The following MCPH1 variants were observed in gnomAD, a reference collection of about 807,000 sequenced individuals.
The protein encoded by MCPH1 is microcephalin.
MCPH1 carries 104 observed loss-of-function variants against 84.5 expected under a neutral mutation model. The ratio of observed to expected loss-of-function variants is 1.23; its 90% CI spans 1.05 to 1.45. The LOEUF (loss-of-function observed/expected upper bound fraction) is 1.45, where lower values mean the gene tolerates loss of function less well. Ranked by LOEUF, MCPH1 falls within the 40% of genes most tolerant of loss-of-function variation. MCPH1 has a pLI of 0.00. For synonymous variants in MCPH1, 514 were observed against 366.8 expected, an observed-to-expected ratio of 1.40 and a Z score of -4.58; for missense variants, 1,498 against 1,005.7, an observed-to-expected ratio of 1.49 and a Z score of -6.62.
chr8:6,508,557 A>G (rs1486076647), intron 12 of MCPH1: 1 of 376,636 alleles, frequency 2.7e-6, no homozygotes, highest in African/African-American at 2.1e-5. Flanking sequence ...TATAATCTAT[A>G]TTACTGTTGT....
intron 9 of MCPH1, among the ~76,000 whole-genome samples, chr8:6,466,789 TG>T (rs1807033935): frequency 6.6e-6 from 1 of 151,924 alleles, no homozygotes; most frequent in Admixed American, 6.6e-5. Context: ...TTGTCCAGGT[TG>T]GTCTCAAACT....
At chr8:6,584,453 A>AT (rs560179054) in intron 12 of MCPH1, among the ~76,000 whole-genome samples, 56 of 152,212 alleles carry the variant, frequency 3.7e-4, no homozygotes, top group African/African-American at 1.3e-3. Flanking sequence ...TTACTGGCCA[A>AT]TTTTTTTGTT....
chr8:6,524,870 GA>G (rs1267056712), intron 12 of MCPH1, among the ~76,000 whole-genome samples: 1 of 152,186 alleles, frequency 6.6e-6, no homozygotes, highest in Non-Finnish European at 1.5e-5. Context: ...TTGGTGTCAC[GA>G]GCACCTTCAG....
chr8:6,489,890 G>T (rs3020287), intron 11 of MCPH1, among the ~76,000 whole-genome samples: 23 of 152,140 alleles, frequency 1.5e-4, no homozygotes, highest in Admixed American at 1.5e-3. Flanking sequence ...TAATGAAAAA[G>T]TTGCTGTATT....
chr8:6,632,821 GAAAA>G (rs11464307), intron 13 of MCPH1, among the ~76,000 whole-genome samples: 1 of 149,862 alleles, frequency 6.7e-6, no homozygotes, highest in Non-Finnish European at 1.5e-5. Context: ...AAGAAGAAAA[GAAAA>G]AAAAACTCAG....
chr8:6,434,934 G>A (rs1470517193), intron 4 of MCPH1, among the ~76,000 whole-genome samples: 1 of 152,198 alleles, frequency 6.6e-6, no homozygotes, highest in Non-Finnish European at 1.5e-5. Context: ...TGATGGCTGG[G>A]CTAAAGACGG....
In MCPH1 at chr8:6,455,193, G is replaced by A. The variant is rs189380942; in HGVS notation, c.1876G>A (p.Gly626Ser). Residue 626 changes from glycine to serine, a missense_variant, in exon 9 of 14, where the codon GGC (glycine) becomes AGC (serine). Gly to Ser is a moderately conservative substitution (Grantham distance 56). Transcript: ENST00000344683. ...RHDVLDDSCD[G>S]FKDLIKPHEE... ...TGATGTTTTAGATGACTCATGTGAC[G>A]GCTTTAAGGACCTCATCAAACCTCA... The A allele has an allele frequency of 3.7e-4, 593 of 1,613,970 alleles. 5 individuals are homozygous for A. In the South Asian group the frequency reaches 5.9e-3, roughly 16 times the overall value.
At chr8:6,515,548 A>G (rs1430369272) in intron 12 of MCPH1, among the ~76,000 whole-genome samples, 2 of 152,206 alleles carry the variant, frequency 1.3e-5, no homozygotes, top group Non-Finnish European at 2.9e-5. Flanking sequence ...AGAACACAGA[A>G]TTCTTTCTTA....
At chr8:6,496,764 T>G (rs1041807634) in intron 11 of MCPH1, among the ~76,000 whole-genome samples, 1 of 152,184 alleles carries the variant, frequency 6.6e-6, no homozygotes, top group African/African-American at 2.4e-5. Context: ...TGCTTTCCAG[T>G]GAGTTAAACC....
chr8:6,603,801 A>G (rs1223766424), intron 12 of MCPH1, among the ~76,000 whole-genome samples: 1 of 152,222 alleles, frequency 6.6e-6, no homozygotes, highest in Non-Finnish European at 1.5e-5. Flanking sequence ...TGAACTTCAC[A>G]TCAAGTCAAT....
chr8:6,569,183 A>G (rs1266362757), intron 12 of MCPH1, among the ~76,000 whole-genome samples: 4 of 152,224 alleles, frequency 2.6e-5, no homozygotes, highest in Admixed American at 1.3e-4. Flanking sequence ...ATCGTATGCA[A>G]TAATTAATAA....
At chr8:6,430,171 G>T (rs2920682) in intron 3 of MCPH1, among the ~76,000 whole-genome samples, 2,443 of 152,254 alleles carry the variant, frequency 0.016, 57 homozygotes, top group African/African-American at 0.051. Context: ...TATGCAACCT[G>T]TTGCTGCTTT....
chr8:6,584,325 T>A (rs1176910845), intron 12 of MCPH1, among the ~76,000 whole-genome samples: 1 of 152,216 alleles, frequency 6.6e-6, no homozygotes, highest in Non-Finnish European at 1.5e-5. Flanking sequence ...TATCACAGTC[T>A]AGGGTTTAGT....
intron 12 of MCPH1, among the ~76,000 whole-genome samples, chr8:6,570,798 TTGTTG>T (rs1448161840): frequency 7.4e-5 from 9 of 122,368 alleles, no homozygotes; most frequent in African/African-American, 2.3e-4. Context: ...AGCAGATGGA[TTGTTG>T]TTTTTTTTTT....
intron 12 of MCPH1, among the ~76,000 whole-genome samples, chr8:6,580,575 C>T (rs939526503): frequency 1.3e-5 from 2 of 152,078 alleles, no homozygotes; most frequent in East Asian, 1.9e-4. Context: ...TTGCTTAAAC[C>T]GGGAGGCAGA....
At chr8:6,551,999 C>T (rs140323648) in intron 12 of MCPH1, among the ~76,000 whole-genome samples, 11 of 152,128 alleles carry the variant, frequency 7.2e-5, no homozygotes, top group South Asian at 2.1e-4. Flanking sequence ...TATAATTACC[C>T]GGTAGATGAC....
Position 6,487,260 on chromosome 8 carries a change from T to G in MCPH1, c.2136+6384T>G, listed in dbSNP as rs1279071306. The stretch of plus-strand genomic sequence containing the variant: ...TTCTTAATCAAAAATGATTTCATGA[T>G]GACTATTTTCTTGAGATAATGTGAT... On this transcript the variant is annotated intron_variant, in intron 11 of 13. Coordinates refer to ENST00000344683, the MANE Select transcript of MCPH1 (RefSeq NM_024596.5). Among the ~76,000 whole-genome samples the G allele has an allele frequency of 5.3e-5, 8 of 152,242 alleles. No homozygotes were observed. The South Asian group carries it at 1.7e-3, about 31-fold the overall frequency.
chr8:6,587,604 C>A (rs547147456), intron 12 of MCPH1, among the ~76,000 whole-genome samples: 117 of 152,302 alleles, frequency 7.7e-4, no homozygotes, highest in Non-Finnish European at 1.2e-3. Flanking sequence ...CTATAAATCA[C>A]TTGGTAATTT....
chr8:6,619,042 C>G (rs959637411), intron 12 of MCPH1: 2 of 152,218 alleles, frequency 1.3e-5, no homozygotes, highest in Non-Finnish European at 1.5e-5. Context: ...GCAATTGATT[C>G]TCACGTTGCA....
Sources: allele counts gnomAD v4.1 joint callset (sites outside exome capture counted in the v4.1 genomes callset), GRCh38; gene constraint gnomAD v4.1.1; transcripts MANE v1.5; gene names NCBI Gene and HGNC (gene_info 2026-07-23, HGNC 2026-07-21).